STPG2: variants seen among roughly 807,000 people sequenced by gnomAD.
STPG2 encodes sperm-tail PG-rich repeat-containing protein 2.
Under a neutral mutation model 54.2 loss-of-function variants are expected in STPG2, and 56 were observed. That is an observed-to-expected ratio of 1.03 (90% CI 0.83 to 1.29). The LOEUF is 1.29. STPG2 is among the 50% of genes most tolerant of loss of function. The pLI, the probability that STPG2 is intolerant of heterozygous loss-of-function variation, is 0.00. For synonymous variants in STPG2, 200 were observed against 181.8 expected, an observed-to-expected ratio of 1.10 and a Z score of -0.81; for missense variants, 596 against 544.9, an observed-to-expected ratio of 1.09 and a Z score of -0.93.
intron 4 of STPG2, among the ~76,000 whole-genome samples, chr4:97,540,172 C>T (rs1362590990): frequency 6.6e-6 from 1 of 152,018 alleles, no homozygotes; most frequent in Non-Finnish European, 1.5e-5. Context: ...TTCAAAAAAT[C>T]AATGAATCCA....
At chr4:97,476,557 G>T (rs976447171) in intron 4 of STPG2, among the ~76,000 whole-genome samples, 3 of 152,064 alleles carry the variant, frequency 2.0e-5, no homozygotes, top group Non-Finnish European at 2.9e-5. Flanking sequence ...TTGAATGATA[G>T]TGATTCTGGA....
intron 9 of STPG2, among the ~76,000 whole-genome samples, chr4:97,809,740 T>G (rs1578584071): frequency 6.6e-6 from 1 of 152,142 alleles, no homozygotes; most frequent in Non-Finnish European, 1.5e-5. Context: ...CCCTAGAACC[T>G]ACAGATAAGA....
chr4:97,457,861 G>A (rs75311400), intron 4 of STPG2, among the ~76,000 whole-genome samples: 4,182 of 152,210 alleles, frequency 0.027, 126 homozygotes, highest in African/African-American at 0.082. Flanking sequence ...AAACCTAGAG[G>A]AAAATTTAAT....
At chr4:97,632,071 A>C (rs960149445) in intron 10 of STPG2, among the ~76,000 whole-genome samples, 1 of 151,890 alleles carries the variant, frequency 6.6e-6, no homozygotes, top group Non-Finnish European at 1.5e-5. Context: ...ACATTAAAAT[A>C]CTCCTTAATC....
At chr4:97,722,864 C>T (rs1212006998) in intron 9 of STPG2, among the ~76,000 whole-genome samples, 1 of 145,526 alleles carries the variant, frequency 6.9e-6, no homozygotes, top group East Asian at 2.0e-4. Flanking sequence ...GTGGTGCGAT[C>T]TCGGCTCACT....
At chr4:97,911,800 G>A (rs1348883486) in intron 8 of STPG2, among the ~76,000 whole-genome samples, 1 of 152,104 alleles carries the variant, frequency 6.6e-6, no homozygotes, top group African/African-American at 2.4e-5. Context: ...GCAGGAGAAG[G>A]GTTCTCCAGC....
chr4:97,474,128 C>A (rs1730013866), intron 4 of STPG2, among the ~76,000 whole-genome samples: 1 of 151,940 alleles, frequency 6.6e-6, no homozygotes, highest in Admixed American at 6.6e-5. Context: ...TTGATTATAA[C>A]AAATGTACTA....
chr4:97,884,653 C>A (rs774202431), intron 8 of STPG2, among the ~76,000 whole-genome samples: 1 of 151,470 alleles, frequency 6.6e-6, no homozygotes, highest in Non-Finnish European at 1.5e-5. Context: ...AATACACAAA[C>A]AAAGCTTCAT....
intron 10 of STPG2, among the ~76,000 whole-genome samples, chr4:97,630,903 A>G (rs1721254503): frequency 6.6e-6 from 1 of 151,966 alleles, no homozygotes; most frequent in Non-Finnish European, 1.5e-5. Flanking sequence ...AAAATAAAAC[A>G]TGAAAACATT....
chr4:97,638,405 A>C (rs1231693789), intron 10 of STPG2, among the ~76,000 whole-genome samples: 1 of 152,138 alleles, frequency 6.6e-6, no homozygotes, highest in Non-Finnish European at 1.5e-5. Flanking sequence ...AAGAAAACCT[A>C]GGCATTACCA....
In STPG2 at chr4:97,816,023, C is replaced by T. The variant is rs1223475902; in HGVS notation, c.1204+24750G>A. Among the ~76,000 whole-genome samples the T allele has an allele frequency of 2.6e-5, 4 of 152,094 alleles. No individual in the cohort carries two copies. In the East Asian group the frequency reaches 7.7e-4, roughly 29 times the overall value. Reference sequence around the variant, plus strand: ...TTAGGTATTTCTCCTAATGCTATCCCTCCCCTAGCCTCCCATCCCCCAACA... The same window carrying T: ...TTAGGTATTTCTCCTAATGCTATCCTTCCCCTAGCCTCCCATCCCCCAACA... On this transcript the variant is annotated intron_variant, in intron 9 of 10. Transcript: ENST00000295268.
At chr4:97,875,012 A>T (rs1730123119) in intron 8 of STPG2, among the ~76,000 whole-genome samples, 1 of 151,970 alleles carries the variant, frequency 6.6e-6, no homozygotes, top group Non-Finnish European at 1.5e-5. Flanking sequence ...ATAAGACATT[A>T]TATTTCATTT....
intron 2 of STPG2, among the ~76,000 whole-genome samples, chr4:98,129,287 A>C (rs13138063): frequency 0.39 from 59,918 of 151,808 alleles, 12,039 homozygotes; most frequent in Middle Eastern, 0.46. Flanking sequence ...CTACTATGCA[A>C]AAACAAACTT....
chr4:97,541,121 G>A lies in STPG2; in HGVS notation c.462+171578C>T, dbSNP rs568128622. Among the ~76,000 whole-genome samples, 21 of 152,260 alleles carry A rather than the reference G, an allele frequency of 1.4e-4. No homozygotes were observed. In the South Asian group the frequency reaches 4.4e-3, roughly 32 times the overall value. ...AATAGTGTTGGAAGTTCCGGCCAGGGCAATCAGGCAGGAGAAGGAAATAAA... is the reference window on the plus strand; with the variant it reads ...AATAGTGTTGGAAGTTCCGGCCAGGACAATCAGGCAGGAGAAGGAAATAAA... On this transcript the variant is annotated intron_variant, in intron 4 of 4. Transcript: ENST00000522676.
intron 9 of STPG2, among the ~76,000 whole-genome samples, chr4:97,815,081 A>G (rs1246764205): frequency 1.3e-5 from 2 of 152,174 alleles, no homozygotes; most frequent in African/African-American, 2.4e-5. Flanking sequence ...AAACGAAGGT[A>G]TGGGTCATAT....
intron 8 of STPG2, among the ~76,000 whole-genome samples, chr4:97,895,963 C>T (rs1369904417): frequency 6.6e-6 from 1 of 151,776 alleles, no homozygotes; most frequent in Non-Finnish European, 1.5e-5. Flanking sequence ...GGCTAAACAT[C>T]CCTGCTTTAG....
intron 9 of STPG2, among the ~76,000 whole-genome samples, chr4:97,754,734 A>G (rs1309696644): frequency 6.6e-6 from 1 of 152,086 alleles, no homozygotes. Context: ...AGCCAATTAC[A>G]GTACTTCCTA....
intron 4 of STPG2, among the ~76,000 whole-genome samples, chr4:97,471,988 G>A (rs1729947752): frequency 6.6e-6 from 1 of 152,042 alleles, no homozygotes; most frequent in Non-Finnish European, 1.5e-5. Flanking sequence ...ATCATATGAA[G>A]ACTGATTTAT....
chr4:98,005,917 T>A (rs1001161781), intron 5 of STPG2, among the ~76,000 whole-genome samples: 4 of 152,220 alleles, frequency 2.6e-5, no homozygotes, highest in Non-Finnish European at 4.4e-5. Flanking sequence ...CTTTTTCCAT[T>A]TTTTGAAAGA....
Sources: allele counts gnomAD v4.1 joint callset (sites outside exome capture counted in the v4.1 genomes callset), GRCh38; gene constraint gnomAD v4.1.1; transcripts MANE v1.5; gene names NCBI Gene and HGNC (gene_info 2026-07-23, HGNC 2026-07-21).